Variants in ANKS1B observed in about 807,000 individuals in gnomAD.
ANKS1B encodes the protein ankyrin repeat and sterile alpha motif domain-containing protein 1B.
A neutral mutation model predicts 148.3 loss-of-function variants in ANKS1B; 36 were observed. The ratio of observed to expected loss-of-function variants is 0.24; its 90% CI spans 0.19 to 0.32. The LOEUF (loss-of-function observed/expected upper bound fraction) is 0.32, where lower values mean the gene tolerates loss of function less well. Ranked by LOEUF, ANKS1B falls within the 10% of genes least tolerant of loss-of-function variation. ANKS1B has a pLI of 1.00. For synonymous variants in ANKS1B, 542 were observed against 560.8 expected, an observed-to-expected ratio of 0.97 and a Z score of 0.47; for missense variants, 1,157 against 1,542.6, an observed-to-expected ratio of 0.75 and a Z score of 4.19.
intron 8 of ANKS1B, among the ~76,000 whole-genome samples, chr12:99,736,538 G>A (rs1283800688): frequency 6.6e-6 from 1 of 151,834 alleles, no homozygotes; most frequent in Admixed American, 6.6e-5. Context: ...ATTTAACCAA[G>A]GAGGTGAAAG....
chr12:98,870,924 C>T (rs1440460100), intron 17 of ANKS1B, among the ~76,000 whole-genome samples: 1 of 152,224 alleles, frequency 6.6e-6, no homozygotes, highest in Non-Finnish European at 1.5e-5. Context: ...TCTGTGCAGG[C>T]TTGTGTCATT....
At chr12:99,124,418 ATGTG>A (rs71081900) in intron 15 of ANKS1B, among the ~76,000 whole-genome samples, 2 of 149,862 alleles carry the variant, frequency 1.3e-5, no homozygotes, top group Non-Finnish European at 3.0e-5. Context: ...ATTTGTGTGC[ATGTG>A]TGTGTGTGTG....
intron 22 of ANKS1B, among the ~76,000 whole-genome samples, chr12:98,795,449 C>G (rs1413703976): frequency 1.3e-5 from 2 of 152,220 alleles, no homozygotes; most frequent in African/African-American, 4.8e-5. Context: ...ACACTACACT[C>G]TAGAATTTCC....
intron 1 of ANKS1B, among the ~76,000 whole-genome samples, chr12:99,939,933 G>A (rs746771322): frequency 3.3e-5 from 5 of 152,112 alleles, no homozygotes; most frequent in Non-Finnish European, 5.9e-5. Flanking sequence ...TTAAGAGAAA[G>A]TTATTTTAAT....
intron 8 of ANKS1B, among the ~76,000 whole-genome samples, chr12:99,768,424 G>A (rs972214877): frequency 1.3e-5 from 2 of 151,952 alleles, no homozygotes; most frequent in African/African-American, 4.8e-5. Flanking sequence ...CGGTGTCCCC[G>A]CCAAGTTTAT....
intron 8 of ANKS1B, among the ~76,000 whole-genome samples, chr12:99,719,150 G>A (rs1484387200): frequency 4.6e-5 from 7 of 152,154 alleles, no homozygotes; most frequent in Non-Finnish European, 8.8e-5. Context: ...TGCGTGCAGC[G>A]GCTGCCGCTG....
chr12:98,806,763 G>A (rs1040241757), intron 20 of ANKS1B, among the ~76,000 whole-genome samples: 1 of 152,188 alleles, frequency 6.6e-6, no homozygotes, highest in African/African-American at 2.4e-5. Context: ...AATGCAGTTG[G>A]TTATACTGAA....
intron 14 of ANKS1B, among the ~76,000 whole-genome samples, chr12:99,182,189 C>T (rs1434612006): frequency 6.6e-6 from 1 of 152,116 alleles, no homozygotes; most frequent in Non-Finnish European, 1.5e-5. Flanking sequence ...CACTTTTAAA[C>T]CATCAGATCT....
intron 17 of ANKS1B, among the ~76,000 whole-genome samples, chr12:98,911,000 TCTGCACGGG>T (rs2152837408): frequency 6.6e-6 from 1 of 152,302 alleles, no homozygotes; most frequent in South Asian, 2.1e-4. Context: ...TATGGAGATG[TCTGCACGGG>T]CTCTCTGTCA....
At chr12:99,707,304 T>C (rs543600440) in intron 8 of ANKS1B, among the ~76,000 whole-genome samples, 2 of 152,206 alleles carry the variant, frequency 1.3e-5, no homozygotes, top group South Asian at 4.1e-4. Flanking sequence ...GATGACTTCA[T>C]TCTGGGCTAC....
intron 17 of ANKS1B, among the ~76,000 whole-genome samples, chr12:98,988,731 T>TTC (rs2099924908): frequency 6.6e-6 from 1 of 152,180 alleles, no homozygotes; most frequent in African/African-American, 2.4e-5. Flanking sequence ...GTGTACAGGG[T>TTC]TCTCTTTTCT....
chr12:99,228,641 T>C (rs1372097476), intron 14 of ANKS1B, among the ~76,000 whole-genome samples: 1 of 151,984 alleles, frequency 6.6e-6, no homozygotes, highest in Non-Finnish European at 1.5e-5. Flanking sequence ...AAATTGAATG[T>C]GCACATAGAC....
At chr12:99,934,375 T>C (rs989556571) in intron 1 of ANKS1B, among the ~76,000 whole-genome samples, 1 of 152,154 alleles carries the variant, frequency 6.6e-6, no homozygotes, top group Non-Finnish European at 1.5e-5. Context: ...TTTGGTAAAA[T>C]TTAGCAGTGA....
At chr12:98,998,869 T>C in intron 17 of ANKS1B, among the ~76,000 whole-genome samples, 1 of 152,216 alleles carries the variant, frequency 6.6e-6, no homozygotes. Flanking sequence ...CATTTCTGGT[T>C]AGAAGAACAC....
At chr12:98,850,754 A>G (rs1388010656) in intron 17 of ANKS1B, among the ~76,000 whole-genome samples, 2 of 149,326 alleles carry the variant, frequency 1.3e-5, no homozygotes, top group Admixed American at 6.7e-5. Flanking sequence ...GGCGTGAGCC[A>G]CCGCACCCGG....
In ANKS1B at chr12:99,246,287, C is replaced by T. The variant is rs764630063; in HGVS notation, c.2334G>A (p.Ser778=). 28 of 1,582,500 alleles carry T rather than the reference C, an allele frequency of 1.8e-5. No individual in the cohort carries two copies. In the South Asian group the frequency reaches 2.0e-4, roughly 11 times the overall value. ...GNSERTPSFT[S]EWEEIDKIMS... is the part of the protein sequence containing the mutation. ...GAACAAAGCTTACTTCTTCCCATTC[C>T]GATGTGAAGGATGGTGTTCTTTCAG... The change falls in exon 13 of 27, where the codon TCG becomes TCA. Residue 778 remains serine (S), a synonymous_variant. Transcript: ENST00000683438.
intron 17 of ANKS1B, among the ~76,000 whole-genome samples, chr12:98,872,297 G>C (rs953964627): frequency 6.6e-6 from 1 of 152,196 alleles, no homozygotes; most frequent in African/African-American, 2.4e-5. Context: ...CCAGCACTTT[G>C]GGAGGCCGAG....
intron 8 of ANKS1B, among the ~76,000 whole-genome samples, chr12:99,718,900 C>G (rs1269011360): frequency 1.3e-5 from 2 of 152,196 alleles, no homozygotes; most frequent in East Asian, 3.8e-4. Context: ...CAGTCAAGAC[C>G]AAGTTTCATC....
At chr12:99,072,140 A>G (rs1207029761) in intron 16 of ANKS1B, among the ~76,000 whole-genome samples, 1 of 152,170 alleles carries the variant, frequency 6.6e-6, no homozygotes, top group East Asian at 1.9e-4. Flanking sequence ...ACTAGCTCAG[A>G]GTAGAATGTT....
Sources: gnomAD v4.1 joint callset for allele counts (sites outside exome capture counted in the v4.1 genomes callset) on GRCh38, gnomAD v4.1.1 for gene constraint, MANE v1.5 for transcripts, NCBI Gene and HGNC (gene_info 2026-07-23, HGNC 2026-07-21) for gene names.